Variants in DDX31 observed in about 807,000 individuals in gnomAD.
DDX31 encodes DEAD-box helicase 31.
Under a neutral mutation model 91.3 loss-of-function variants are expected in DDX31, and 70 were observed. The ratio of observed to expected loss-of-function variants is 0.77; its 90% confidence interval spans 0.63 to 0.94. DDX31 has a LOEUF of 0.94. DDX31 is among the 40% of genes least tolerant of loss of function. The pLI, the probability that DDX31 is intolerant of heterozygous loss-of-function variation, is 0.00. For synonymous variants in DDX31, 362 were observed against 350.6 expected (o/e 1.03, Z -0.36); for missense variants, 902 against 925.0 (o/e 0.98, Z 0.32).
rs1371081969 is a variant in DDX31 at position 132,605,814 on chromosome 9, G to C, written c.1994+6273C>G. ...CAAAGGCTGGGGGCCTTTGTGAGGA[G>C]GGGGGTTTGTTGTGGCTTGCTCTAA... On this transcript the variant is annotated intron_variant, in intron 19 of 19. Transcript: ENST00000372159. 3.3e-5 allele frequency among the ~76,000 whole-genome samples: 5 copies of C among 152,286 alleles called. No homozygotes were observed. In the South Asian group the frequency reaches 6.2e-4, roughly 19 times the overall value.
chr9:132,630,468 A>G (rs914318652), intron 15 of DDX31, 65 bp from the exon 16 acceptor site: 13 of 1,469,264 alleles, frequency 8.8e-6, no homozygotes, highest in Non-Finnish European at 1.1e-5. Context: ...TGGAAGTGCA[A>G]TACTCCTCAC....
At chr9:132,605,418 T>G (rs1448567825) in intron 19 of DDX31, among the ~76,000 whole-genome samples, 1 of 152,082 alleles carries the variant, frequency 6.6e-6, no homozygotes, top group Non-Finnish European at 1.5e-5. Flanking sequence ...AGTTCAGGGT[T>G]TGGGTGCTCA....
chr9:132,604,324 G>A (rs1423647171), intron 19 of DDX31, among the ~76,000 whole-genome samples: 3 of 152,164 alleles, frequency 2.0e-5, no homozygotes, highest in Non-Finnish European at 4.4e-5. Flanking sequence ...GGCTGGACAA[G>A]AGTTTATTCT....
intron 17 of DDX31, among the ~76,000 whole-genome samples, chr9:132,618,849 C>A (rs900681084): frequency 6.6e-6 from 1 of 152,170 alleles, no homozygotes; most frequent in East Asian, 1.9e-4. Flanking sequence ...AGTGGAACAC[C>A]GACAATTTCT....
intron 14 of DDX31, among the ~76,000 whole-genome samples, chr9:132,635,821 G>T (rs898391979): frequency 6.6e-6 from 1 of 151,858 alleles, no homozygotes; most frequent in Non-Finnish European, 1.5e-5. Flanking sequence ...GTGCATGCCT[G>T]TAGTCCCAGC....
intron 1 of DDX31, among the ~76,000 whole-genome samples, chr9:132,669,130 T>G (rs972118822): frequency 6.6e-6 from 1 of 152,114 alleles, no homozygotes; most frequent in Non-Finnish European, 1.5e-5. Flanking sequence ...AACAGACAAG[T>G]GTTTCCTATT....
intron 1 of DDX31, among the ~76,000 whole-genome samples, chr9:132,666,278 A>G (rs1418023038): frequency 6.6e-6 from 1 of 152,064 alleles, no homozygotes; most frequent in African/African-American, 2.4e-5. Flanking sequence ...GTCAATTTGT[A>G]CAGTTTTGCA....
At chr9:132,652,566 G>A (rs1834270816) in intron 6 of DDX31, 74 bp from the exon 7 acceptor site, 2 of 1,572,596 alleles carry the variant, frequency 1.3e-6, no homozygotes, top group African/African-American at 1.4e-5. Context: ...GGACACAGGG[G>A]TGGCCGGTTG....
chr9:132,617,823 C>A (rs1029049365), intron 18 of DDX31, among the ~76,000 whole-genome samples: 1 of 152,200 alleles, frequency 6.6e-6, no homozygotes, highest in Non-Finnish European at 1.5e-5. Flanking sequence ...AATATTAAGT[C>A]AACACCTCTC....
intron 19 of DDX31, among the ~76,000 whole-genome samples, chr9:132,606,959 C>T (rs1564279804): frequency 9.2e-5 from 14 of 152,180 alleles, no homozygotes. Flanking sequence ...AAGATGAAAA[C>T]CACCCCAGAG....
intron 18 of DDX31, among the ~76,000 whole-genome samples, chr9:132,612,916 T>A (rs918230280): frequency 1.3e-5 from 2 of 152,196 alleles, no homozygotes; most frequent in Non-Finnish European, 2.9e-5. Flanking sequence ...CTTTTTAAAT[T>A]TAAAATTTTT....
chr9:132,667,377 G>A (rs999965035), intron 1 of DDX31, among the ~76,000 whole-genome samples: 10 of 151,802 alleles, frequency 6.6e-5, no homozygotes, highest in Admixed American at 5.2e-4. Flanking sequence ...GAGGTGGGCA[G>A]ATCACAAGGT....
intron 9 of DDX31, 104 bp downstream of exon 9, chr9:132,650,130 G>A (rs1288741430): frequency 8.9e-7 from 1 of 1,117,552 alleles, no homozygotes; most frequent in Non-Finnish European, 1.4e-6. Flanking sequence ...AGGAAGCAGA[G>A]CCTGAGACAA....
chr9:132,660,918 A>C (rs1469834134), intron 4 of DDX31, among the ~76,000 whole-genome samples: 9 of 152,208 alleles, frequency 5.9e-5, no homozygotes, highest in African/African-American at 2.2e-4. Flanking sequence ...TATTTTGGCC[A>C]AATTCTTTTC....
intron 17 of DDX31, among the ~76,000 whole-genome samples, chr9:132,620,824 G>A (rs923604872): frequency 6.9e-6 from 1 of 144,166 alleles, no homozygotes; most frequent in Non-Finnish European, 1.6e-5. Flanking sequence ...ATACCTGGCA[G>A]GGCTGGCTCT....
At chr9:132,640,331 G>A (rs1438796963) in intron 14 of DDX31, among the ~76,000 whole-genome samples, 2 of 152,120 alleles carry the variant, frequency 1.3e-5, no homozygotes, top group South Asian at 2.1e-4. Context: ...CATGAATCAA[G>A]GCCCCAAAGC....
rs151322753 is a variant in DDX31, at chr9:132,661,330, CTA to C, written c.409-81_409-80del. 2,951 of 1,214,746 alleles carry C rather than the reference CTA, an allele frequency of 2.4e-3. 35 individuals are homozygous for C. The African/African-American group carries it at 0.032, about 13-fold the overall frequency. The allele number at this position is 1,214,746 out of a possible 1,614,324, so 75.2% of individuals were successfully genotyped here. On this transcript the variant is annotated intron_variant, in intron 3 of 19. Transcript: ENST00000372159. The stretch of plus-strand genomic sequence containing the variant: ...CGGAAATTACACAAGAAAGGAGAAA[CTA>C]TTGAGAGAACATTGACTACTATGAT...
At chr9:132,641,882 G>A in intron 14 of DDX31, 122 bp downstream of exon 14, 2 of 939,740 alleles carry the variant, frequency 2.1e-6, no homozygotes, top group Non-Finnish European at 3.3e-6. Context: ...CCCCACCAAG[G>A]GGCCCCTAGT....
At chr9:132,612,351 G>T (rs1564285409) in intron 18 of DDX31, 96 bp from the exon 19 acceptor site, 1 of 1,404,312 alleles carries the variant, frequency 7.1e-7, no homozygotes, top group Non-Finnish European at 1.0e-6. Flanking sequence ...ACTTTATCTT[G>T]CCAGGCAACG....
Sources: allele counts gnomAD v4.1 joint callset (sites outside exome capture counted in the v4.1 genomes callset), GRCh38; gene constraint gnomAD v4.1.1; transcripts MANE v1.5; gene names NCBI Gene and HGNC (gene_info 2026-07-23, HGNC 2026-07-21).